GALNT14: variants seen among roughly 807,000 people sequenced by gnomAD.
GALNT14 encodes the protein UDP-GalNAc:polypeptide N-acetylgalactosaminyltransferase 14.
Under a neutral mutation model 77.5 loss-of-function variants are expected in GALNT14, and 60 were observed. The observed-to-expected ratio is 0.77, with a 90% confidence interval of 0.63 to 0.96. The LOEUF (loss-of-function observed/expected upper bound fraction) is 0.96. Among genes scored for constraint, GALNT14 ranks in the 40% least tolerant of loss-of-function variants. GALNT14 has a pLI of 0.00. For missense variants in GALNT14, 710 were observed against 731.0 expected (o/e 0.97, Z 0.33); for synonymous variants, 280 against 281.7 (o/e 0.99, Z 0.06).
At chr2:31,128,286 C>G (rs1678795733) in intron 1 of GALNT14, among the ~76,000 whole-genome samples, 1 of 152,046 alleles carries the variant, frequency 6.6e-6, no homozygotes, top group South Asian at 2.1e-4. Flanking sequence ...GGCTAACCAG[C>G]AAGACATGGC....
In GALNT14 at chr2:30,924,103, C is replaced by G. The variant is rs1186429602; in HGVS notation, c.1380+16G>C. 1 of 1,614,196 alleles carries G rather than the reference C, an allele frequency of 6.2e-7. No homozygotes were observed. The highest frequency in any genetic ancestry group is 1.7e-5 in the Admixed American group (1 of 60,024). On this transcript the variant is annotated intron_variant, in intron 13 of 14. Transcript: ENST00000349752. Reference sequence around the variant, plus strand: ...ACTGTGACACATGGTCCTGTATGCCCAGCCAGTTACTTTACCTGGGACTTT... The same window carrying G: ...ACTGTGACACATGGTCCTGTATGCCGAGCCAGTTACTTTACCTGGGACTTT...
At chr2:30,952,415 G>T (rs1407592674) in intron 6 of GALNT14, among the ~76,000 whole-genome samples, 1 of 151,356 alleles carries the variant, frequency 6.6e-6, no homozygotes, top group Non-Finnish European at 1.5e-5. Flanking sequence ...ATACACCATG[G>T]AATACTATGC....
At chr2:31,120,756 T>C (rs1447554945) in intron 1 of GALNT14, among the ~76,000 whole-genome samples, 1 of 152,140 alleles carries the variant, frequency 6.6e-6, no homozygotes, top group Non-Finnish European at 1.5e-5. Flanking sequence ...AGGGTTTCAC[T>C]ATGTTGGCCA....
intron 6 of GALNT14, among the ~76,000 whole-genome samples, chr2:30,951,729 C>T (rs893200728): frequency 5.9e-5 from 9 of 152,212 alleles, no homozygotes; most frequent in African/African-American, 2.2e-4. Flanking sequence ...GCCATGGGGA[C>T]TGAGTCCACT....
chr2:30,963,630 G>A (rs762286101), intron 3 of GALNT14, among the ~76,000 whole-genome samples: 4 of 152,136 alleles, frequency 2.6e-5, no homozygotes, highest in East Asian at 1.9e-4. Context: ...CCAGAGGAAC[G>A]TTTATTGTAG....
At position 31,138,393 on chromosome 2, in the gene GALNT14, TGCCGCCGCC is replaced by T. The variant is rs547052626; in HGVS notation, c.-316_-308del. The stretch of plus-strand genomic sequence containing the variant: ...ATGTTCCCCACGCCGCCACCGCGGC[TGCCGCCGCC>T]GCCGCCGCCGCCTTGCCCGCTGCCG... On this transcript the variant is annotated 5_prime_UTR_variant, in exon 1 of 15. Coordinates refer to ENST00000349752, the MANE Select transcript of GALNT14 (RefSeq NM_024572.4). 6.7e-5 allele frequency: 23 copies of T among 341,244 alleles called. No homozygotes were observed. Among genetic ancestry groups the T allele is most frequent in the Non-Finnish European group, 9.1e-5 (17 of 185,992 alleles). 21.1% of individuals were successfully genotyped at this position (341,244 alleles called of 1,614,324 possible). A position where few individuals can be genotyped will look rare whatever the true frequency, so the allele number is the denominator to read the frequency against.
At chr2:31,102,377 C>T (rs1048210870) in intron 1 of GALNT14, among the ~76,000 whole-genome samples, 2 of 152,022 alleles carry the variant, frequency 1.3e-5, no homozygotes, top group Non-Finnish European at 2.9e-5. Context: ...AGAAAATCTG[C>T]AATTTCAGTT....
chr2:31,093,623 A>T (rs766906983), intron 1 of GALNT14, among the ~76,000 whole-genome samples: 1 of 152,208 alleles, frequency 6.6e-6, no homozygotes, highest in South Asian at 2.1e-4. Context: ...CCTCTTTAGG[A>T]AGATAACTTG....
At chr2:30,897,630 GT>G in the GALNT14 span, among the ~76,000 whole-genome samples, 1 of 152,200 alleles carries the variant, frequency 6.6e-6, no homozygotes, top group Non-Finnish European at 1.5e-5. Flanking sequence ...CTTTTGTGGT[GT>G]CTCCTGCCGT....
At chr2:30,928,440 G>A (rs1665520236) in intron 11 of GALNT14, among the ~76,000 whole-genome samples, 1 of 152,052 alleles carries the variant, frequency 6.6e-6, no homozygotes, top group African/African-American at 2.4e-5. Context: ...GGTGTGGTTT[G>A]AGCCACCATC....
intron 2 of GALNT14, among the ~76,000 whole-genome samples, chr2:30,989,677 TAAAAAA>T (rs1669564749): frequency 8.8e-6 from 1 of 113,438 alleles, no homozygotes; most frequent in East Asian, 2.3e-4. Context: ...TTAGTATATA[TAAAAAA>T]TATATATTAG....
intron 2 of GALNT14, among the ~76,000 whole-genome samples, chr2:30,983,481 C>A (rs915223797): frequency 2.0e-5 from 3 of 152,076 alleles, no homozygotes; most frequent in Non-Finnish European, 4.4e-5. Context: ...TGCCTCATTC[C>A]CCAGGTAATG....
intron 6 of GALNT14, among the ~76,000 whole-genome samples, chr2:30,954,132 T>G (rs1667214518): frequency 6.6e-6 from 1 of 151,790 alleles, no homozygotes; most frequent in Non-Finnish European, 1.5e-5. Flanking sequence ...GCAAGCGGGT[T>G]TGTGGAGAGG....
At chr2:31,111,240 G>A (rs975947134) in intron 1 of GALNT14, among the ~76,000 whole-genome samples, 1 of 152,164 alleles carries the variant, frequency 6.6e-6, no homozygotes, top group African/African-American at 2.4e-5. Flanking sequence ...CAAAGACCCA[G>A]GGATTCTTCA....
intron 1 of GALNT14, among the ~76,000 whole-genome samples, chr2:31,114,205 C>T (rs1573368089): frequency 6.6e-6 from 1 of 151,964 alleles, no homozygotes; most frequent in East Asian, 1.9e-4. Context: ...TCTTTCTTTA[C>T]TTCTTACACA....
rs551523049 is a variant in GALNT14, at chr2:30,998,109, G to A, written c.130-5102C>T. On this transcript the variant is annotated intron_variant, in intron 1 of 14. Coordinates refer to ENST00000349752, the MANE Select transcript of GALNT14 (RefSeq NM_024572.4). ...AAGCGAAATAAGCCAGGCACAGAAA[G>A]ACTAAGACATAATCTTTTCAACAGA... 7.2e-5 allele frequency among the ~76,000 whole-genome samples: 11 copies of A among 152,326 alleles called. No individual in the cohort carries two copies. In the South Asian group the frequency reaches 1.0e-3, roughly 14 times the overall value.
In GALNT14 at chr2:31,061,757, TC is replaced by T. The variant is rs527766349; in HGVS notation, c.130-68751del. Among the ~76,000 whole-genome samples, 323 of 152,296 alleles carry T rather than the reference TC, an allele frequency of 2.1e-3. 1 individual carries two copies. The highest frequency in any genetic ancestry group is 7.5e-3 in the African/African-American group (310 of 41,560). On this transcript the variant is annotated intron_variant, in intron 1 of 14. Coordinates refer to ENST00000349752, the MANE Select transcript of GALNT14 (RefSeq NM_024572.4). ...CCTGCAAGTGTTGGCTCATGCTATTTCCCCTGCCGAGTATGTTCTTTCCATT... is the reference window on the plus strand; with the variant it reads ...CCTGCAAGTGTTGGCTCATGCTATTTCCCTGCCGAGTATGTTCTTTCCATT...
intron 9 of GALNT14, among the ~76,000 whole-genome samples, chr2:30,935,492 G>A (rs1665997745): frequency 6.6e-6 from 1 of 152,196 alleles, no homozygotes; most frequent in Non-Finnish European, 1.5e-5. Context: ...CAGCCGAGAT[G>A]AGTTAAGAGT....
intron 1 of GALNT14, among the ~76,000 whole-genome samples, chr2:31,130,734 CTGTGTGTGTGTGTGTGTGTGTGTGTG>C (rs4020220): frequency 1.7e-5 from 2 of 117,538 alleles, no homozygotes; most frequent in Middle Eastern, 5.0e-3. Context: ...CAGGGTACCT[CTGTGTGTGTGTGTGTGTGTGTGTGTG>C]TGTGTGTGTG....
Sources: gnomAD v4.1 joint callset for allele counts (sites outside exome capture counted in the v4.1 genomes callset) on GRCh38, gnomAD v4.1.1 for gene constraint, MANE v1.5 for transcripts, NCBI Gene and HGNC (gene_info 2026-07-23, HGNC 2026-07-21) for gene names.